The following GRM7 variants were observed in gnomAD, a reference collection of about 807,000 sequenced individuals.
GRM7 encodes metabotropic glutamate receptor 7.
A neutral mutation model predicts 84.5 loss-of-function variants in GRM7; 35 were observed. The observed-to-expected ratio is 0.41, with a 90% CI of 0.32 to 0.55. The LOEUF (loss-of-function observed/expected upper bound fraction) is 0.55, where lower values mean the gene tolerates loss of function less well. Ranked by LOEUF, GRM7 falls within the 20% of genes least tolerant of loss-of-function variation. GRM7 has a pLI of 0.19. For synonymous variants in GRM7, 487 were observed against 455.1 expected (o/e 1.07, Z -0.89); for missense variants, 1,003 against 1,194.6 (o/e 0.84, Z 2.36).
At chr3:6,949,524 A>G (rs555319979) in intron 1 of GRM7, among the ~76,000 whole-genome samples, 1 of 151,938 alleles carries the variant, frequency 6.6e-6, no homozygotes, top group South Asian at 2.1e-4. Context: ...GAATCTGACA[A>G]TTATGTGTCT....
At chr3:7,088,141 G>GTTAA (rs3061140) in intron 1 of GRM7, among the ~76,000 whole-genome samples, 10,742 of 152,206 alleles carry the variant, frequency 0.071, 433 homozygotes, top group African/African-American at 0.12. Flanking sequence ...ATCCATAGGA[G>GTTAA]TTGTTAACTA....
At chr3:7,139,311 A>G (rs2125060951) in intron 1 of GRM7, among the ~76,000 whole-genome samples, 1 of 151,916 alleles carries the variant, frequency 6.6e-6, no homozygotes, top group Non-Finnish European at 1.5e-5. Flanking sequence ...TAGAATGATC[A>G]CAACATCTAG....
chr3:7,332,076 G>GA (rs1299946891), intron 4 of GRM7, among the ~76,000 whole-genome samples: 1 of 152,100 alleles, frequency 6.6e-6, no homozygotes, highest in East Asian at 1.9e-4. Flanking sequence ...CTTTCGTCTA[G>GA]AGTAGACTTG....
At chr3:7,030,898 T>C (rs2124926996) in intron 1 of GRM7, among the ~76,000 whole-genome samples, 1 of 152,328 alleles carries the variant, frequency 6.6e-6, no homozygotes, top group Non-Finnish European at 1.5e-5. Context: ...TTACTAAAAC[T>C]CTGGCTCTCT....
intron 1 of GRM7, among the ~76,000 whole-genome samples, chr3:6,974,881 C>A (rs1693928424): frequency 6.6e-6 from 1 of 151,998 alleles, no homozygotes. Flanking sequence ...GGAATGAAAT[C>A]ATGGTGGAGG....
intron 2 of GRM7, among the ~76,000 whole-genome samples, chr3:7,213,473 T>C (rs1214691054): frequency 4.6e-5 from 7 of 152,202 alleles, no homozygotes; most frequent in Non-Finnish European, 8.8e-5. Context: ...GGGATGTTAA[T>C]TGACTTGATC....
intron 1 of GRM7, among the ~76,000 whole-genome samples, chr3:6,905,148 A>T (rs991215836): frequency 4.6e-5 from 7 of 152,130 alleles, no homozygotes; most frequent in African/African-American, 1.7e-4. Context: ...CGCTGTCCTT[A>T]AAAAAAGGTT....
intron 1 of GRM7, among the ~76,000 whole-genome samples, chr3:6,982,947 T>G (rs941716300): frequency 2.6e-5 from 4 of 152,206 alleles, no homozygotes; most frequent in African/African-American, 9.6e-5. Flanking sequence ...AGCACTCACG[T>G]TGAGAATTTT....
intron 1 of GRM7, among the ~76,000 whole-genome samples, chr3:7,137,472 T>G (rs2125059274): frequency 6.6e-6 from 1 of 152,266 alleles, no homozygotes; most frequent in African/African-American, 2.4e-5. Context: ...ATTTATATGA[T>G]AATTTTGAGG....
At chr3:7,651,339 T>C (rs1343741951) in intron 8 of GRM7, among the ~76,000 whole-genome samples, 1 of 152,190 alleles carries the variant, frequency 6.6e-6, no homozygotes, top group Non-Finnish European at 1.5e-5. Flanking sequence ...CCTTCAGTAT[T>C]CATTTGAGTT....
At chr3:7,388,699 C>A (rs1410572110) in intron 4 of GRM7, among the ~76,000 whole-genome samples, 1 of 151,920 alleles carries the variant, frequency 6.6e-6, no homozygotes, top group Non-Finnish European at 1.5e-5. Flanking sequence ...TTATCTATTT[C>A]CTTTAGATTT....
chr3:7,247,642 A>G (rs1410093328), intron 2 of GRM7, among the ~76,000 whole-genome samples: 1 of 150,834 alleles, frequency 6.6e-6, no homozygotes, highest in African/African-American at 2.4e-5. Context: ...AAAGAAAAAT[A>G]ATAGTAAAAA....
intron 2 of GRM7, among the ~76,000 whole-genome samples, chr3:7,272,991 C>T (rs543293827): frequency 1.3e-5 from 2 of 151,714 alleles, no homozygotes; most frequent in Non-Finnish European, 2.9e-5. Context: ...ATGCTGTTAA[C>T]GTTCCTCTAT....
chr3:7,685,777 G>A (rs1246737078), intron 9 of GRM7, among the ~76,000 whole-genome samples: 2 of 150,654 alleles, frequency 1.3e-5, no homozygotes, highest in Non-Finnish European at 2.9e-5. Context: ...AATATAAGGA[G>A]GTATGTTATT....
At chr3:7,679,640 T>C (rs1700282114) in intron 8 of GRM7, among the ~76,000 whole-genome samples, 1 of 152,160 alleles carries the variant, frequency 6.6e-6, no homozygotes. Context: ...AATCTCAATG[T>C]AGGAAGAAAT....
intron 5 of GRM7, among the ~76,000 whole-genome samples, chr3:7,435,851 CTTTTTTTT>C (rs34860272): frequency 0.011 from 948 of 89,294 alleles, 16 homozygotes; most frequent in African/African-American, 0.037. Context: ...CCACACCCAT[CTTTTTTTT>C]TTTTTTTTTT....
intron 5 of GRM7, among the ~76,000 whole-genome samples, chr3:7,450,801 A>G (rs68083183): frequency 0.073 from 11,055 of 152,198 alleles, 459 homozygotes; most frequent in African/African-American, 0.099. Context: ...TGGTATTTAA[A>G]TGAGATACAT....
intron 5 of GRM7, among the ~76,000 whole-genome samples, chr3:7,451,015 GA>G (rs1349205979): frequency 5.9e-5 from 9 of 152,162 alleles, no homozygotes; most frequent in Admixed American, 5.9e-4. Context: ...TGTTTTGCAG[GA>G]AAAGGGGTTG....
At chr3:7,311,557 T>C (rs1412380304) in intron 4 of GRM7, among the ~76,000 whole-genome samples, 1 of 151,932 alleles carries the variant, frequency 6.6e-6, no homozygotes, top group African/African-American at 2.4e-5. Flanking sequence ...TGTTCTGCAA[T>C]CTGGGCCGTC....
Sources: gnomAD v4.1 joint callset for allele counts (sites outside exome capture counted in the v4.1 genomes callset) on GRCh38, gnomAD v4.1.1 for gene constraint, MANE v1.5 for transcripts, NCBI Gene and HGNC (gene_info 2026-07-23, HGNC 2026-07-21) for gene names.